KMT5B: variants seen among roughly 807,000 people sequenced by gnomAD.
The protein encoded by KMT5B is histone-lysine N-methyltransferase KMT5B.
Under a neutral mutation model 83.2 loss-of-function variants are expected in KMT5B, and 10 were observed. That is an observed-to-expected ratio of 0.12 (90% CI 0.07 to 0.20). KMT5B has a LOEUF of 0.20. Ranked by LOEUF, KMT5B falls within the 10% of genes least tolerant of loss-of-function variation. The pLI is 1.00. For missense variants in KMT5B, 753 were observed against 1,067.2 expected (o/e 0.71, Z 4.10); for synonymous variants, 349 against 388.8 (o/e 0.90, Z 1.20).
intron 4 of KMT5B, among the ~76,000 whole-genome samples, chr11:68,178,152 G>A (rs1381475284): frequency 6.6e-6 from 1 of 152,214 alleles, no homozygotes; most frequent in African/African-American, 2.4e-5. Context: ...ACAAACGACA[G>A]AAAGGGCCAA....
intron 1 of KMT5B, among the ~76,000 whole-genome samples, chr11:68,204,330 A>T (rs751560954): frequency 7.2e-5 from 11 of 152,220 alleles, no homozygotes; most frequent in Non-Finnish European, 1.5e-4. Flanking sequence ...GTTATAAAAA[A>T]TTTTGAGATA....
intron 1 of KMT5B, among the ~76,000 whole-genome samples, chr11:68,210,982 G>T (rs1860821028): frequency 6.6e-6 from 1 of 152,206 alleles, no homozygotes; most frequent in South Asian, 2.1e-4. Flanking sequence ...TGTAAGCCAT[G>T]GGAAGGGCAT....
In KMT5B at chr11:68,157,649, T is replaced by C; in HGVS notation, c.*39A>G. On this transcript the variant is annotated 3_prime_UTR_variant, in exon 11 of 11. Coordinates refer to ENST00000304363, the MANE Select transcript of KMT5B (RefSeq NM_017635.5). ...ATAATTGACTGGAATTTTTTATTTC[T>C]TTAAAGTAGTTATCCCAGGTCAAGT... The C allele has an allele frequency of 6.7e-7, 1 of 1,501,020 alleles. No individual in the cohort carries two copies. Among genetic ancestry groups the C allele is most frequent in the Non-Finnish European group, 8.9e-7 (1 of 1,128,712 alleles). 93.0% of individuals were successfully genotyped at this position (1,501,020 alleles called of 1,614,324 possible).
chr11:68,169,188 T>C (rs1855607964), intron 9 of KMT5B, among the ~76,000 whole-genome samples: 1 of 152,210 alleles, frequency 6.6e-6, no homozygotes, highest in African/African-American at 2.4e-5. Flanking sequence ...ATTATCCTCA[T>C]TTTCACCAGT....
intron 4 of KMT5B, among the ~76,000 whole-genome samples, chr11:68,177,569 T>C (rs1222721985): frequency 6.6e-6 from 1 of 152,172 alleles, no homozygotes; most frequent in Non-Finnish European, 1.5e-5. Flanking sequence ...AGGAACTTAC[T>C]AGCTACACAC....
intron 9 of KMT5B, 40 bp from the exon 10 acceptor site, chr11:68,167,218 A>C (rs1459334455): frequency 6.4e-7 from 1 of 1,555,910 alleles, no homozygotes; most frequent in African/African-American, 1.4e-5. Flanking sequence ...AATAGAACAC[A>C]CTTTCTTATA....
chr11:68,168,698 G>A lies in KMT5B; in HGVS notation c.978-1520C>T, dbSNP rs1293730143. Among the ~76,000 whole-genome samples, 15 of 152,146 alleles carry A rather than the reference G, an allele frequency of 9.9e-5. 1 individual carries two copies. The highest frequency in any genetic ancestry group is 9.8e-4 in the Admixed American group (15 of 15,278). ...TTATGAACATATTACAATTACTACT[G>A]TCAGTACAGTGTAGCAGAGAAACAT... On this transcript the variant is annotated intron_variant, in intron 9 of 10. Coordinates refer to ENST00000304363, the MANE Select transcript of KMT5B (RefSeq NM_017635.5).
intron 1 of KMT5B, among the ~76,000 whole-genome samples, chr11:68,211,254 T>A (rs1343156420): frequency 6.6e-6 from 1 of 152,040 alleles, no homozygotes; most frequent in African/African-American, 2.4e-5. Context: ...TCCATCCACC[T>A]CCACCTTCCC....
At chr11:68,203,229 C>A (rs1591065809) in intron 1 of KMT5B, among the ~76,000 whole-genome samples, 1 of 152,196 alleles carries the variant, frequency 6.6e-6, no homozygotes, top group East Asian at 1.9e-4. Context: ...CTGCCTCGGC[C>A]TCCCAAAGTG....
rs149725372 is a variant in KMT5B, at chr11:68,164,512, G to A, written c.1174+2470C>T. ...CAAAAGAAATACAGCCTAAGAGAAC[G>A]CATGTAAGAACTCAAGAAATCCTTA... is the stretch of plus-strand genomic sequence containing the variant. On this transcript the variant is annotated intron_variant, in intron 10 of 10. Transcript: ENST00000304363. Among the ~76,000 whole-genome samples the A allele has an allele frequency of 6.3e-3, 957 of 152,284 alleles. 5 individuals are homozygous for A. Among genetic ancestry groups the A allele is most frequent in the Non-Finnish European group, 9.2e-3 (627 of 68,020 alleles).
intron 4 of KMT5B, among the ~76,000 whole-genome samples, chr11:68,175,452 T>C (rs1044418646): frequency 1.3e-5 from 2 of 152,240 alleles, no homozygotes; most frequent in African/African-American, 4.8e-5. Flanking sequence ...TTTTTCAATC[T>C]GTTATTTTAA....
chr11:68,185,559 A>C (rs1857366675), intron 3 of KMT5B, among the ~76,000 whole-genome samples: 1 of 152,208 alleles, frequency 6.6e-6, no homozygotes, highest in Non-Finnish European at 1.5e-5. Context: ...TTTATACGTT[A>C]ATAGAAATGT....
At chr11:68,170,891 C>A (rs1319204483) in intron 9 of KMT5B, 124 bp downstream of exon 9, 2 of 1,049,484 alleles carry the variant, frequency 1.9e-6, no homozygotes, top group Non-Finnish European at 2.7e-6. Flanking sequence ...GCACCAGCCG[C>A]TATGCTAAAG....
intron 1 of KMT5B, among the ~76,000 whole-genome samples, chr11:68,207,110 C>A (rs941643150): frequency 6.6e-6 from 1 of 151,490 alleles, no homozygotes; most frequent in Non-Finnish European, 1.5e-5. Context: ...GGCATGGTGG[C>A]GGCTGAGGCA....
intron 3 of KMT5B, among the ~76,000 whole-genome samples, chr11:68,185,356 C>T (rs560982429): frequency 1.3e-5 from 2 of 152,322 alleles, no homozygotes; most frequent in South Asian, 4.1e-4. Context: ...CAGGCATGTG[C>T]CACCTGCCTG....
chr11:68,180,852 T>A (rs1257922630), intron 3 of KMT5B, among the ~76,000 whole-genome samples: 1 of 152,188 alleles, frequency 6.6e-6, no homozygotes, highest in African/African-American at 2.4e-5. Flanking sequence ...TTTTTCTTGT[T>A]AAAAAGAAAA....
Position 68,187,849 on chromosome 11 carries a change from G to T in KMT5B, c.161-1921C>A, listed in dbSNP as rs567046234. ...AAGTCACTGATTGTATCTGAGATGG[G>T]GCACTGCTCTGTGCTCTCCCATTTC... On this transcript the variant is annotated intron_variant, in intron 2 of 10. Transcript: ENST00000304363. 7.2e-5 allele frequency among the ~76,000 whole-genome samples: 11 copies of T among 152,076 alleles called. No homozygotes were observed. The South Asian group carries it at 2.3e-3, about 32-fold the overall frequency.
chr11:68,170,908 A>AAG, intron 9 of KMT5B, 107 bp downstream of exon 9: 1 of 1,228,734 alleles, frequency 8.1e-7, no homozygotes. Context: ...AAAGAACATA[A>AAG]AGACTATCTC....
intron 10 of KMT5B, chr11:68,166,079 A>G: frequency 2.0e-6 from 3 of 1,523,570 alleles, no homozygotes; most frequent in East Asian, 4.7e-5. Flanking sequence ...GTGCCAACAA[A>G]GGCATACTTT....
Sources: allele counts gnomAD v4.1 joint callset (sites outside exome capture counted in the v4.1 genomes callset), GRCh38; gene constraint gnomAD v4.1.1; transcripts MANE v1.5; gene names NCBI Gene and HGNC (gene_info 2026-07-23, HGNC 2026-07-21).